Variants in HS3ST4 observed in about 807,000 individuals in gnomAD.
HS3ST4 encodes the protein heparan sulfate-glucosamine 3-sulfotransferase 4.
A neutral mutation model predicts 29.2 loss-of-function variants in HS3ST4; 17 were observed. The observed-to-expected ratio is 0.58, with a 90% CI of 0.40 to 0.87. The LOEUF (loss-of-function observed/expected upper bound fraction) is 0.87, where lower values mean the gene tolerates loss of function less well. Ranked by LOEUF, HS3ST4 falls within the 40% of genes least tolerant of loss-of-function variation. The pLI is 0.00. For synonymous variants in HS3ST4, 314 were observed against 285.7 expected (o/e 1.10, Z -1.00); for missense variants, 627 against 634.5 (o/e 0.99, Z 0.13).
At chr16:25,844,585 C>T (rs372244672) in intron 1 of HS3ST4, among the ~76,000 whole-genome samples, 9 of 152,140 alleles carry the variant, frequency 5.9e-5, no homozygotes, top group South Asian at 2.1e-4. Context: ...ACAATAGGAA[C>T]GCTTTTACAC....
chr16:25,806,689 C>G (rs917270846), intron 1 of HS3ST4, among the ~76,000 whole-genome samples: 3 of 152,054 alleles, frequency 2.0e-5, no homozygotes, highest in Non-Finnish European at 4.4e-5. Context: ...GCATACATTC[C>G]TCATGCAGTT....
rs1488178803 is a variant in HS3ST4, at chr16:26,137,595, T to TG, written c.*1353dup. On this transcript the variant is annotated 3_prime_UTR_variant, in exon 2 of 2. Transcript: ENST00000331351. ...TAGTAAAACTGGAAATTTGTATGAG[T>TG]GGGGGGAGTTAAATCTGTTCAGCTG... 1 of 152,146 alleles carries TG rather than the reference T, an allele frequency of 6.6e-6. No homozygotes were observed. Among genetic ancestry groups the TG allele is most frequent in the Non-Finnish European group, 1.5e-5 (1 of 68,022 alleles). The allele number at this position is 152,146 out of a possible 1,614,324, so 9.4% of individuals were successfully genotyped here.
intron 1 of HS3ST4, among the ~76,000 whole-genome samples, chr16:25,857,913 TTCCTTC>T (rs2141652962): frequency 3.5e-4 from 20 of 56,830 alleles, no homozygotes; most frequent in Admixed American, 1.3e-3. Flanking sequence ...CCTTCCTTCC[TTCCTTC>T]CTTTCTTTCT....
At chr16:25,776,679 A>G (rs1294574764) in intron 1 of HS3ST4, among the ~76,000 whole-genome samples, 1 of 152,210 alleles carries the variant, frequency 6.6e-6, no homozygotes, top group African/African-American at 2.4e-5. Flanking sequence ...AAAAATGATC[A>G]GATACCGTGG....
intron 1 of HS3ST4, among the ~76,000 whole-genome samples, chr16:26,081,791 T>C (rs1898727381): frequency 7.2e-6 from 1 of 138,640 alleles, no homozygotes; most frequent in Admixed American, 7.3e-5. Flanking sequence ...ACATTCTTTT[T>C]TTTTTTTTTT....
chr16:26,004,192 A>G (rs1969237110), intron 1 of HS3ST4, among the ~76,000 whole-genome samples: 1 of 152,208 alleles, frequency 6.6e-6, no homozygotes, highest in Non-Finnish European at 1.5e-5. Flanking sequence ...CCATCCTGAC[A>G]AATAATATTC....
At chr16:26,070,494 C>T (rs1342184564) in intron 1 of HS3ST4, among the ~76,000 whole-genome samples, 1 of 152,148 alleles carries the variant, frequency 6.6e-6, no homozygotes, top group Admixed American at 6.6e-5. Flanking sequence ...AACTTCCCAG[C>T]CAACCCACAG....
intron 1 of HS3ST4, among the ~76,000 whole-genome samples, chr16:25,739,201 G>T (rs911046959): frequency 2.0e-5 from 3 of 152,234 alleles, no homozygotes. Context: ...AATTAGCTAG[G>T]CGTGGTGGCG....
chr16:25,919,338 A>G (rs1968324172), intron 1 of HS3ST4, among the ~76,000 whole-genome samples: 1 of 152,190 alleles, frequency 6.6e-6, no homozygotes, highest in Non-Finnish European at 1.5e-5. Flanking sequence ...CCAGTAATAC[A>G]TTTTAGAAGT....
intron 1 of HS3ST4, chr16:26,032,824 G>T (rs1969543956): frequency 3.2e-6 from 5 of 1,571,946 alleles, no homozygotes; most frequent in Non-Finnish European, 4.3e-6. Context: ...TGGTGGCGGC[G>T]ACGGCAGCAG....
At chr16:25,923,535 T>G (rs1968374990) in intron 1 of HS3ST4, among the ~76,000 whole-genome samples, 1 of 152,182 alleles carries the variant, frequency 6.6e-6, no homozygotes, top group African/African-American at 2.4e-5. Context: ...ATTAGCTTTT[T>G]TTGTTTGTTT....
chr16:26,034,072 C>T (rs979740832), intron 1 of HS3ST4, among the ~76,000 whole-genome samples: 1 of 152,180 alleles, frequency 6.6e-6, no homozygotes, highest in Non-Finnish European at 1.5e-5. Context: ...TCAATGTGTA[C>T]TGCAATAAAT....
chr16:25,886,002 A>G lies in HS3ST4; in HGVS notation c.734+192851A>G, dbSNP rs562536412. On this transcript the variant is annotated intron_variant, in intron 1 of 1. Coordinates refer to ENST00000331351, the MANE Select transcript of HS3ST4 (RefSeq NM_006040.3). ...AATCAAAAAGAATGAAGAAGAATTG[A>G]AATGGGAGTACTTTTCTTACTGTGG... 1.4e-3 allele frequency among the ~76,000 whole-genome samples: 210 copies of G among 150,040 alleles called. 1 individual carries two copies. The highest frequency in any genetic ancestry group is 3.4e-3 in the Middle Eastern group (1 of 290).
intron 1 of HS3ST4, among the ~76,000 whole-genome samples, chr16:26,042,196 C>G (rs1179546206): frequency 1.3e-5 from 2 of 152,154 alleles, no homozygotes; most frequent in South Asian, 2.1e-4. Context: ...AGCATCAAAC[C>G]CTCCCAGACT....
intron 1 of HS3ST4, among the ~76,000 whole-genome samples, chr16:25,859,128 T>C (rs1967612485): frequency 6.6e-6 from 1 of 152,188 alleles, no homozygotes; most frequent in Non-Finnish European, 1.5e-5. Flanking sequence ...AGCAGACACT[T>C]GTTCTAAAAA....
intron 1 of HS3ST4, among the ~76,000 whole-genome samples, chr16:26,128,413 G>A (rs1029492474): frequency 2.0e-5 from 3 of 152,206 alleles, no homozygotes; most frequent in Non-Finnish European, 4.4e-5. Context: ...TCCAGGGAGG[G>A]AAAGTCCCTG....
At chr16:25,705,616 A>G (rs1966370998) in intron 1 of HS3ST4, among the ~76,000 whole-genome samples, 1 of 152,110 alleles carries the variant, frequency 6.6e-6, no homozygotes, top group African/African-American at 2.4e-5. Context: ...GTGAGCTGAG[A>G]TCGCACCACT....
intron 1 of HS3ST4, among the ~76,000 whole-genome samples, chr16:26,058,131 A>G (rs746334678): frequency 6.6e-6 from 1 of 152,168 alleles, no homozygotes; most frequent in African/African-American, 2.4e-5. Flanking sequence ...TGCATTATAC[A>G]TGTTCTCCAA....
At chr16:26,119,321 C>T (rs149496914) in intron 1 of HS3ST4, among the ~76,000 whole-genome samples, 21 of 152,308 alleles carry the variant, frequency 1.4e-4, no homozygotes, top group African/African-American at 4.6e-4. Flanking sequence ...CTGGAGAAGG[C>T]AGTGCTGTAG....
Sources: gnomAD v4.1 joint callset for allele counts (sites outside exome capture counted in the v4.1 genomes callset) on GRCh38, gnomAD v4.1.1 for gene constraint, MANE v1.5 for transcripts, NCBI Gene and HGNC (gene_info 2026-07-23, HGNC 2026-07-21) for gene names.